SESN1: variants seen among roughly 807,000 people sequenced by gnomAD.
SESN1 encodes the protein sestrin-1.
A neutral mutation model predicts 59.3 loss-of-function variants in SESN1; 30 were observed. That is an observed-to-expected ratio of 0.51 (90% CI 0.38 to 0.69). The LOEUF (loss-of-function observed/expected upper bound fraction) is 0.69, where lower values mean the gene tolerates loss of function less well. Among genes scored for constraint, SESN1 ranks in the 30% least tolerant of loss-of-function variants. SESN1 has a pLI of 0.00. For missense variants in SESN1, 566 were observed against 673.0 expected, an observed-to-expected ratio of 0.84 and a Z score of 1.76; for synonymous variants, 197 against 219.9, an observed-to-expected ratio of 0.90 and a Z score of 0.92.
At chr6:109,006,497 G>A (rs1413697974) in intron 1 of SESN1, among the ~76,000 whole-genome samples, 2 of 141,600 alleles carry the variant, frequency 1.4e-5, no homozygotes, top group Non-Finnish European at 3.0e-5. Context: ...CCCACCCTGT[G>A]TCCAAGGAAA....
rs1375660955 is a variant in SESN1 at position 108,985,539 on chromosome 6, TATC to T, written c.*2002_*2004del. ...GGAAGGCATTGAAACATTAACTTTG[TATC>T]ACATGCACTTTTATTACTTTAGGTA... On this transcript the variant is annotated 3_prime_UTR_variant, in exon 10 of 10. Transcript: ENST00000436639. Among the ~76,000 whole-genome samples, 1 of 152,246 alleles carries T rather than the reference TATC, an allele frequency of 6.6e-6. No homozygotes were observed. Among genetic ancestry groups the T allele is most frequent in the African/African-American group, 2.4e-5 (1 of 41,470 alleles).
intron 1 of SESN1, among the ~76,000 whole-genome samples, chr6:109,052,632 G>A (rs1336977100): frequency 1.3e-5 from 2 of 152,058 alleles, no homozygotes; most frequent in East Asian, 3.8e-4. Context: ...CATTCCAAAA[G>A]GCCTGAAAAC....
intron 1 of SESN1, among the ~76,000 whole-genome samples, chr6:109,023,307 C>T (rs1429356792): frequency 6.6e-6 from 1 of 152,186 alleles, no homozygotes; most frequent in Non-Finnish European, 1.5e-5. Context: ...GACACATTAT[C>T]ATAACTTCCT....
chr6:109,019,005 C>G (rs1306866134), intron 1 of SESN1, among the ~76,000 whole-genome samples: 1 of 152,046 alleles, frequency 6.6e-6, no homozygotes, highest in East Asian at 1.9e-4. Flanking sequence ...TTCAAATTTT[C>G]TGAAAATATA....
At chr6:109,074,025 TC>T (rs1780983744) in intron 1 of SESN1, among the ~76,000 whole-genome samples, 2 of 152,228 alleles carry the variant, frequency 1.3e-5, no homozygotes, top group Non-Finnish European at 2.9e-5. Flanking sequence ...ACTATGGTCA[TC>T]CCATAAAATT....
chr6:108,988,895 A>AT (rs1462014785), intron 8 of SESN1, among the ~76,000 whole-genome samples: 1 of 152,170 alleles, frequency 6.6e-6, no homozygotes, highest in Non-Finnish European at 1.5e-5. Flanking sequence ...CTAACATAAC[A>AT]TTTTTTCTAC....
intron 1 of SESN1, among the ~76,000 whole-genome samples, chr6:109,085,027 TA>T (rs1183354121): frequency 6.7e-6 from 1 of 150,150 alleles, no homozygotes; most frequent in African/African-American, 2.5e-5. Context: ...AACGCACTTT[TA>T]AAAAAACAAG....
At chr6:109,002,396 T>A in intron 1 of SESN1, 53 bp from the exon 2 acceptor site, 1 of 1,444,496 alleles carries the variant, frequency 6.9e-7, no homozygotes, top group Non-Finnish European at 9.7e-7. Flanking sequence ...CAAAATGAAC[T>A]GAGGCTAAAG....
intron 3 of SESN1, among the ~76,000 whole-genome samples, 157 bp downstream of exon 3, chr6:109,001,131 G>A (rs144275800): frequency 1.4e-4 from 22 of 152,148 alleles, no homozygotes; most frequent in East Asian, 5.8e-4. Context: ...ACTTGAGAGC[G>A]TACTTATTTA....
chr6:109,051,165 A>AC lies in SESN1; in HGVS notation c.279+42629_279+42630insG, dbSNP rs550046672. 2.8e-4 allele frequency among the ~76,000 whole-genome samples: 43 copies of AC among 152,162 alleles called. No homozygotes were observed. In the South Asian group the frequency reaches 3.5e-3, roughly 13 times the overall value. ...CTCTTAAAAACAAAAAAAAACAACA[A>AC]AAAAAAACTCATTTCAGAAATCAGT... On this transcript the variant is annotated intron_variant, in intron 1 of 9. Coordinates refer to ENST00000436639, the MANE Select transcript of SESN1 (RefSeq NM_014454.3).
intron 1 of SESN1, among the ~76,000 whole-genome samples, chr6:109,032,603 G>C (rs1313546118): frequency 6.8e-6 from 1 of 147,466 alleles, no homozygotes; most frequent in Non-Finnish European, 1.5e-5. Context: ...GGGTGACAGA[G>C]CAAGACTTCA....
At chr6:109,066,172 T>C (rs191852078) in intron 1 of SESN1, among the ~76,000 whole-genome samples, 63 of 152,328 alleles carry the variant, frequency 4.1e-4, no homozygotes, top group African/African-American at 1.5e-3. Flanking sequence ...CTTAATAACA[T>C]GTCTGTAAAC....
intron 2 of SESN1, among the ~76,000 whole-genome samples, chr6:109,002,016 ATGT>A (rs3839562): frequency 0.098 from 14,937 of 152,246 alleles, 888 homozygotes; most frequent in Middle Eastern, 0.19. Flanking sequence ...ATATAAGCAG[ATGT>A]TGTATCACTG....
At chr6:109,043,528 C>T (rs565128772) in intron 1 of SESN1, among the ~76,000 whole-genome samples, 8 of 152,140 alleles carry the variant, frequency 5.3e-5, no homozygotes, top group South Asian at 4.1e-4. Flanking sequence ...GAGCAGGTTG[C>T]AGGATACAAA....
chr6:109,072,783 T>C (rs934768603), intron 1 of SESN1, among the ~76,000 whole-genome samples: 8 of 152,120 alleles, frequency 5.3e-5, no homozygotes, highest in African/African-American at 1.7e-4. Context: ...AACAGGAATA[T>C]AAAGATGCTT....
intron 1 of SESN1, among the ~76,000 whole-genome samples, chr6:109,039,264 A>G (rs1183833508): frequency 6.6e-6 from 1 of 152,208 alleles, no homozygotes. Context: ...AATTTTGCCT[A>G]CTTCACAAAT....
intron 1 of SESN1, among the ~76,000 whole-genome samples, chr6:109,075,052 T>C (rs540600774): frequency 1.5e-4 from 23 of 152,184 alleles, no homozygotes; most frequent in Non-Finnish European, 3.2e-4. Flanking sequence ...GCATCTATTG[T>C]TCAGGCTGGT....
intron 5 of SESN1, among the ~76,000 whole-genome samples, chr6:108,997,998 T>A (rs1050561942): frequency 3.9e-5 from 6 of 152,224 alleles, no homozygotes; most frequent in African/African-American, 1.4e-4. Context: ...TCACCTGATA[T>A]CACCTTCTAT....
chr6:109,082,508 A>C (rs1781140572), intron 1 of SESN1, among the ~76,000 whole-genome samples: 1 of 152,176 alleles, frequency 6.6e-6, no homozygotes, highest in Non-Finnish European at 1.5e-5. Flanking sequence ...ATTATCCTCC[A>C]ATGCTGTCCA....
Sources: allele counts gnomAD v4.1 joint callset (sites outside exome capture counted in the v4.1 genomes callset), GRCh38; gene constraint gnomAD v4.1.1; transcripts MANE v1.5; gene names NCBI Gene and HGNC (gene_info 2026-07-23, HGNC 2026-07-21).